The following FBN2 variants were observed in gnomAD, a reference collection of about 807,000 sequenced individuals.
The protein encoded by FBN2 is fibrillin 2.
FBN2 carries 105 observed loss-of-function variants against 355.6 expected under a neutral mutation model. The ratio of observed to expected loss-of-function variants is 0.30; its 90% CI spans 0.25 to 0.35. FBN2 has a LOEUF of 0.35. Ranked by LOEUF, FBN2 falls within the 10% of genes least tolerant of loss-of-function variation. FBN2 has a pLI of 1.00. For synonymous variants in FBN2, 1,350 were observed against 1,301.2 expected (o/e 1.04, Z -0.81); for missense variants, 3,280 against 3,758.7 (o/e 0.87, Z 3.33).
In FBN2 at chr5:128,260,317, GT is replaced by G. The variant is rs766864086; in HGVS notation, c.8365-489del. On this transcript the variant is annotated intron_variant, in intron 64 of 64. Coordinates refer to ENST00000262464, the MANE Select transcript of FBN2 (RefSeq NM_001999.4). ...TGTAAGGTAAGTGAATGATGAGTGAGTTTACTGGGAGCTATCAGAGGTACAC... is the reference window on the plus strand; with the variant it reads ...TGTAAGGTAAGTGAATGATGAGTGAGTTACTGGGAGCTATCAGAGGTACAC... Among the ~76,000 whole-genome samples, 2 of 152,150 alleles carry G rather than the reference GT, an allele frequency of 1.3e-5. 1 individual carries two copies. Among genetic ancestry groups the G allele is most frequent in the South Asian group, 4.1e-4 (2 of 4,828 alleles).
At chr5:128,408,615 T>G in intron 8 of FBN2, 59 bp downstream of exon 8, 1 of 1,603,314 alleles carries the variant, frequency 6.2e-7, no homozygotes, top group African/African-American at 1.3e-5. Context: ...CATACCTGTT[T>G]GGGCTGTTTT....
chr5:128,357,090 T>G (rs972293814), intron 20 of FBN2, among the ~76,000 whole-genome samples, 186 bp downstream of exon 20: 1 of 152,220 alleles, frequency 6.6e-6, no homozygotes, highest in Admixed American at 6.5e-5. Flanking sequence ...TAACAAAAAT[T>G]GAATAGGCTG....
intron 21 of FBN2, among the ~76,000 whole-genome samples, chr5:128,350,565 A>T (rs1003682605): frequency 1.3e-5 from 2 of 152,172 alleles, no homozygotes; most frequent in Non-Finnish European, 2.9e-5. Context: ...AATAAAAGTA[A>T]ACAAAAGATT....
rs7448855 is a variant in FBN2 at position 128,269,286 on chromosome 5, A to G, written c.7960+2713T>C. On this transcript the variant is annotated intron_variant, in intron 62 of 64. Transcript: ENST00000262464. ...AATAATAATAATAATAATAATAGTA[A>G]TAATAATAATAATAATAATAAACTA... Among the ~76,000 whole-genome samples the G allele has an allele frequency of 1.2e-4, 15 of 124,824 alleles. No homozygotes were observed. The East Asian group carries it at 6.4e-3, about 54-fold the overall frequency. 81.9% of individuals were successfully genotyped at this position (124,824 alleles called of 152,430 possible). A position where few individuals can be genotyped will look rare whatever the true frequency, so the allele number is the denominator to read the frequency against.
intron 48 of FBN2, among the ~76,000 whole-genome samples, chr5:128,294,202 G>A (rs1341745564): frequency 6.6e-6 from 1 of 152,092 alleles, no homozygotes; most frequent in Admixed American, 6.5e-5. Flanking sequence ...ATTCCATGGT[G>A]TATATGTGCC....
chr5:128,277,601 G>T lies in FBN2; in HGVS notation c.7471+279C>A, dbSNP rs571155682. 4.6e-5 allele frequency among the ~76,000 whole-genome samples: 7 copies of T among 152,244 alleles called. No homozygotes were observed. In the South Asian group the frequency reaches 1.2e-3, roughly 27 times the overall value. Reference sequence around the variant, plus strand: ...TTTGTTTCTCAGGTTTACAACCTGAGAATCAGAAACTTAAGAGTTTCTCTG... The same window carrying T: ...TTTGTTTCTCAGGTTTACAACCTGATAATCAGAAACTTAAGAGTTTCTCTG... On this transcript the variant is annotated intron_variant, in intron 58 of 64. Coordinates refer to ENST00000262464, the MANE Select transcript of FBN2 (RefSeq NM_001999.4).
chr5:128,276,909 T>A (rs1160015944), intron 58 of FBN2, among the ~76,000 whole-genome samples: 1 of 152,194 alleles, frequency 6.6e-6, no homozygotes, highest in Non-Finnish European at 1.5e-5. Context: ...GTATAGACAG[T>A]CTTTTTGTTA....
At chr5:128,264,144 AC>A (rs1765056822) in intron 62 of FBN2, among the ~76,000 whole-genome samples, 1 of 152,182 alleles carries the variant, frequency 6.6e-6, no homozygotes, top group Admixed American at 6.5e-5. Context: ...AATCTACAAA[AC>A]CCATTTACAT....
At chr5:128,417,734 T>C (rs1323534020) in intron 7 of FBN2, among the ~76,000 whole-genome samples, 1 of 152,204 alleles carries the variant, frequency 6.6e-6, no homozygotes, top group Non-Finnish European at 1.5e-5. Context: ...TCTGATGTGC[T>C]GTTGGATTCA....
rs77905225 is a variant in FBN2 at position 128,327,297 on chromosome 5, T to C, written c.4471+1399A>G. Among the ~76,000 whole-genome samples, 1,054 of 152,284 alleles carry C rather than the reference T, an allele frequency of 6.9e-3. 9 individuals are homozygous for C. Among genetic ancestry groups the C allele is most frequent in the African/African-American group, 0.024 (990 of 41,552 alleles). ...CTTTTTCTGAGTCTCTCCAAATTGG[T>C]TGCTATTTCTGGAGAATTTCATGAA... On this transcript the variant is annotated intron_variant, in intron 34 of 64. Coordinates refer to ENST00000262464, the MANE Select transcript of FBN2 (RefSeq NM_001999.4).
chr5:128,352,993 T>G (rs946056667), intron 20 of FBN2, among the ~76,000 whole-genome samples: 1 of 151,906 alleles, frequency 6.6e-6, no homozygotes, highest in Non-Finnish European at 1.5e-5. Context: ...GACAACATGG[T>G]GAAACCCCGT....
At chr5:128,459,522 AAAC>A (rs1256230427) in intron 6 of FBN2, among the ~76,000 whole-genome samples, 3 of 152,192 alleles carry the variant, frequency 2.0e-5, no homozygotes, top group South Asian at 2.1e-4. Context: ...AAACTTGCTA[AAAC>A]AACAACAACA....
intron 5 of FBN2, among the ~76,000 whole-genome samples, chr5:128,508,082 C>T (rs1328391676): frequency 1.3e-5 from 2 of 152,066 alleles, no homozygotes; most frequent in Non-Finnish European, 2.9e-5. Flanking sequence ...ATTAACTTAG[C>T]TACTCCAGCT....
intron 7 of FBN2, among the ~76,000 whole-genome samples, chr5:128,443,126 T>G (rs1359743457): frequency 1.3e-5 from 2 of 152,184 alleles, no homozygotes; most frequent in Admixed American, 6.5e-5. Context: ...GTCCTTGACA[T>G]CAGAAGCATT....
At chr5:128,507,621 C>T (rs1040678307) in intron 5 of FBN2, among the ~76,000 whole-genome samples, 16 of 151,994 alleles carry the variant, frequency 1.1e-4, no homozygotes, top group South Asian at 4.1e-4. Flanking sequence ...TGAGCTTTGG[C>T]GATATATGTC....
intron 2 of FBN2, 69 bp downstream of exon 2, chr5:128,536,333 G>A: frequency 1.6e-6 from 2 of 1,215,752 alleles, no homozygotes. Flanking sequence ...AAATGGCTGA[G>A]TGCAAGAGGT....
chr5:128,382,807 T>C, intron 11 of FBN2, among the ~76,000 whole-genome samples: 1 of 152,220 alleles, frequency 6.6e-6, no homozygotes, highest in South Asian at 2.1e-4. Flanking sequence ...TCTGCAGTCC[T>C]ACATCACTAT....
At chr5:128,512,327 C>T (rs1301157036) in intron 5 of FBN2, among the ~76,000 whole-genome samples, 3 of 151,988 alleles carry the variant, frequency 2.0e-5, no homozygotes, top group African/African-American at 4.8e-5. Context: ...GCCTGGCCAA[C>T]GTGGCAAAAC....
At chr5:128,304,834 T>C in intron 45 of FBN2, 123 bp downstream of exon 45, 1 of 1,259,542 alleles carries the variant, frequency 7.9e-7, no homozygotes, top group Non-Finnish European at 1.2e-6. Context: ...TTTGACCTAG[T>C]TAATTTTTTG....
Sources: allele counts gnomAD v4.1 joint callset (sites outside exome capture counted in the v4.1 genomes callset), GRCh38; gene constraint gnomAD v4.1.1; transcripts MANE v1.5; gene names NCBI Gene and HGNC (gene_info 2026-07-23, HGNC 2026-07-21).